The following PCSK2 variants were observed in gnomAD, a reference collection of about 807,000 sequenced individuals.
The protein encoded by PCSK2 is neuroendocrine convertase 2.
Under a neutral mutation model 69.7 loss-of-function variants are expected in PCSK2, and 14 were observed. The ratio of observed to expected loss-of-function variants is 0.20; its 90% CI spans 0.13 to 0.31. PCSK2 has a LOEUF of 0.31. Ranked by LOEUF, PCSK2 falls within the 10% of genes least tolerant of loss-of-function variation. The probability of loss-of-function intolerance (pLI) is 1.00; values close to 1 mark genes in which losing one functional copy is unlikely to be tolerated. For missense variants in PCSK2, 544 were observed against 842.5 expected, an observed-to-expected ratio of 0.65 and a Z score of 4.39; for synonymous variants, 307 against 320.7, an observed-to-expected ratio of 0.96 and a Z score of 0.46.
At chr20:17,249,841 G>GT (rs1385756190) in intron 1 of PCSK2, among the ~76,000 whole-genome samples, 14 of 152,088 alleles carry the variant, frequency 9.2e-5, no homozygotes, top group African/African-American at 3.4e-4. Flanking sequence ...AGGGCTGGGG[G>GT]GGGAATGGAG....
intron 2 of PCSK2, among the ~76,000 whole-genome samples, chr20:17,287,630 A>C (rs6111487): frequency 6.6e-6 from 1 of 152,000 alleles, no homozygotes; most frequent in Non-Finnish European, 1.5e-5. Context: ...CTTATGGAAG[A>C]AGGTCCTCAA....
At chr20:17,285,474 T>C (rs1442803903) in intron 2 of PCSK2, among the ~76,000 whole-genome samples, 1 of 152,222 alleles carries the variant, frequency 6.6e-6, no homozygotes, top group Non-Finnish European at 1.5e-5. Flanking sequence ...TGTAGAACTT[T>C]AGCATGGGTG....
At chr20:17,446,616 C>T (rs2032703423) in intron 8 of PCSK2, among the ~76,000 whole-genome samples, 1 of 152,088 alleles carries the variant, frequency 6.6e-6, no homozygotes, top group African/African-American at 2.4e-5. Context: ...ACCAGTTGAC[C>T]TAGTGAGGAC....
At chr20:17,292,767 A>C (rs1432465032) in intron 2 of PCSK2, among the ~76,000 whole-genome samples, 1 of 152,006 alleles carries the variant, frequency 6.6e-6, no homozygotes, top group Non-Finnish European at 1.5e-5. Flanking sequence ...TCTAGTCTCA[A>C]GGCTCTTATA....
intron 2 of PCSK2, among the ~76,000 whole-genome samples, chr20:17,340,005 C>T (rs1273308195): frequency 6.6e-6 from 1 of 152,168 alleles, no homozygotes; most frequent in African/African-American, 2.4e-5. Context: ...GACGCATTCC[C>T]CCTCTCAGGC....
At chr20:17,342,257 A>T (rs143600472) in intron 2 of PCSK2, among the ~76,000 whole-genome samples, 3 of 152,228 alleles carry the variant, frequency 2.0e-5, no homozygotes, top group Non-Finnish European at 1.5e-5. Context: ...TTATTATTCC[A>T]TGCTTACTTA....
chr20:17,389,563 C>A (rs762225252), intron 5 of PCSK2, among the ~76,000 whole-genome samples: 1 of 152,172 alleles, frequency 6.6e-6, no homozygotes, highest in Admixed American at 6.5e-5. Flanking sequence ...ACTGCTCAGA[C>A]TTTGCAGCTT....
At chr20:17,301,304 T>C (rs371237195) in intron 2 of PCSK2, among the ~76,000 whole-genome samples, 4 of 152,330 alleles carry the variant, frequency 2.6e-5, no homozygotes, top group African/African-American at 9.6e-5. Context: ...GACAACTCTG[T>C]GTGAGACTCA....
intron 4 of PCSK2, among the ~76,000 whole-genome samples, chr20:17,366,800 G>A (rs557631990): frequency 6.6e-6 from 1 of 152,030 alleles, no homozygotes; most frequent in Non-Finnish European, 1.5e-5. Flanking sequence ...ATTTAAGATC[G>A]TTTATTTTAA....
chr20:17,336,479 G>A (rs2424079), intron 2 of PCSK2, among the ~76,000 whole-genome samples: 92,463 of 152,018 alleles, frequency 0.61, 29,290 homozygotes, highest in East Asian at 0.97. Flanking sequence ...GTTTAAATGG[G>A]TAGAAATATT....
intron 10 of PCSK2, among the ~76,000 whole-genome samples, chr20:17,459,735 T>C (rs939595004): frequency 2.0e-5 from 3 of 152,184 alleles, no homozygotes; most frequent in Non-Finnish European, 4.4e-5. Flanking sequence ...CCAAGCCTCA[T>C]AGAATACAAA....
intron 8 of PCSK2, among the ~76,000 whole-genome samples, chr20:17,437,348 T>C (rs1024041094): frequency 2.0e-5 from 3 of 152,194 alleles, no homozygotes; most frequent in Non-Finnish European, 4.4e-5. Flanking sequence ...GGTCTGAGCA[T>C]GCATTCTCAC....
At chr20:17,256,209 T>C (rs1261174796) in intron 1 of PCSK2, among the ~76,000 whole-genome samples, 2 of 152,164 alleles carry the variant, frequency 1.3e-5, no homozygotes, top group Non-Finnish European at 2.9e-5. Flanking sequence ...GTTTGGTTCT[T>C]TCTTCTTATT....
chr20:17,309,988 A>T (rs1207919116), intron 2 of PCSK2, among the ~76,000 whole-genome samples: 1 of 152,012 alleles, frequency 6.6e-6, no homozygotes, highest in Non-Finnish European at 1.5e-5. Flanking sequence ...CAGGAAGCAT[A>T]GTGGTTTCTG....
chr20:17,375,978 A>C (rs928415503), intron 5 of PCSK2, among the ~76,000 whole-genome samples: 5 of 152,200 alleles, frequency 3.3e-5, no homozygotes, highest in Non-Finnish European at 7.3e-5. Context: ...CAATAGAATA[A>C]TCTAGAACTG....
intron 2 of PCSK2, among the ~76,000 whole-genome samples, chr20:17,345,088 A>G (rs1288260026): frequency 2.0e-5 from 3 of 152,204 alleles, no homozygotes; most frequent in Admixed American, 1.3e-4. Context: ...AAATAGAGAC[A>G]TAATCAGCCT....
chr20:17,443,845 A>C (rs1169597860), intron 8 of PCSK2, among the ~76,000 whole-genome samples: 1 of 152,332 alleles, frequency 6.6e-6, no homozygotes, highest in East Asian at 1.9e-4. Flanking sequence ...AAAAATTGTT[A>C]TGACTGATCT....
chr20:17,450,566 A>G (rs1051082876), intron 8 of PCSK2, among the ~76,000 whole-genome samples: 3 of 152,174 alleles, frequency 2.0e-5, no homozygotes, highest in African/African-American at 7.2e-5. Flanking sequence ...GCTCCTGTTC[A>G]GGTGAAGCTG....
intron 1 of PCSK2, among the ~76,000 whole-genome samples, chr20:17,255,443 G>A (rs1380194213): frequency 1.3e-5 from 2 of 151,856 alleles, no homozygotes; most frequent in Non-Finnish European, 2.9e-5. Context: ...CCGGGTTCAT[G>A]CCATTCTCCT....
Sources: allele counts gnomAD v4.1 joint callset (sites outside exome capture counted in the v4.1 genomes callset), GRCh38; gene constraint gnomAD v4.1.1; transcripts MANE v1.5; gene names NCBI Gene and HGNC (gene_info 2026-07-23, HGNC 2026-07-21).